Variants in CCDC60 observed in about 807,000 individuals in gnomAD.
CCDC60 encodes coiled-coil domain containing 60.
Under a neutral mutation model 63.5 loss-of-function variants are expected in CCDC60, and 54 were observed. The ratio of observed to expected loss-of-function variants is 0.85; its 90% CI spans 0.68 to 1.07. The LOEUF (loss-of-function observed/expected upper bound fraction) is 1.07, where lower values mean the gene tolerates loss of function less well. Ranked by LOEUF, CCDC60 falls within the 50% of genes least tolerant of loss-of-function variation. The probability of loss-of-function intolerance (pLI) is 0.00; values close to 1 mark genes in which losing one functional copy is unlikely to be tolerated. For synonymous variants in CCDC60, 206 were observed against 238.8 expected (o/e 0.86, Z 1.27); for missense variants, 651 against 684.3 (o/e 0.95, Z 0.54).
intron 1 of CCDC60, among the ~76,000 whole-genome samples, chr12:119,366,512 G>T (rs2136171127): frequency 6.6e-6 from 1 of 152,318 alleles, no homozygotes; most frequent in South Asian, 2.1e-4. Flanking sequence ...ATGGGATAGG[G>T]CACAGGATGG....
chr12:119,351,764 G>T (rs908871775), intron 1 of CCDC60, among the ~76,000 whole-genome samples: 8 of 152,188 alleles, frequency 5.3e-5, no homozygotes, highest in Non-Finnish European at 7.3e-5. Flanking sequence ...GGACTTCATT[G>T]TCCATATTAC....
intron 5 of CCDC60, among the ~76,000 whole-genome samples, chr12:119,497,761 A>G (rs1263136999): frequency 6.6e-6 from 1 of 152,062 alleles, no homozygotes; most frequent in Non-Finnish European, 1.5e-5. Flanking sequence ...AAAAAAAAAA[A>G]ACACTAAAGC....
chr12:119,399,863 A>C (rs959648391), intron 1 of CCDC60, among the ~76,000 whole-genome samples: 1 of 152,156 alleles, frequency 6.6e-6, no homozygotes. Flanking sequence ...CATAGTCCAC[A>C]CTAAAACATA....
At chr12:119,501,876 G>A (rs553526887) in intron 6 of CCDC60, among the ~76,000 whole-genome samples, 2 of 152,266 alleles carry the variant, frequency 1.3e-5, no homozygotes, top group East Asian at 3.9e-4. Context: ...ACTCAATTAG[G>A]CTGCAGGAGA....
At chr12:119,413,729 C>T (rs1030414018) in intron 1 of CCDC60, among the ~76,000 whole-genome samples, 2 of 152,062 alleles carry the variant, frequency 1.3e-5, no homozygotes, top group African/African-American at 4.8e-5. Context: ...ATTCCGACTC[C>T]ACATTCTTTT....
chr12:119,470,499 G>C (rs532056881), intron 2 of CCDC60, among the ~76,000 whole-genome samples: 3 of 152,086 alleles, frequency 2.0e-5, no homozygotes, highest in African/African-American at 7.2e-5. Flanking sequence ...CCGACCTCCC[G>C]CCTCCCAGCA....
intron 1 of CCDC60, among the ~76,000 whole-genome samples, chr12:119,338,139 C>T (rs1454752114): frequency 6.6e-6 from 1 of 152,014 alleles, no homozygotes; most frequent in Non-Finnish European, 1.5e-5. Flanking sequence ...ATGAAGACCC[C>T]AGGGGTTCCT....
At chr12:119,517,904 C>T (rs920524119) in intron 8 of CCDC60, among the ~76,000 whole-genome samples, 1 of 152,184 alleles carries the variant, frequency 6.6e-6, no homozygotes, top group Admixed American at 6.5e-5. Context: ...AGCCAGAGCT[C>T]CCTTCCCAGG....
At chr12:119,349,929 T>G (rs1348366132) in intron 1 of CCDC60, among the ~76,000 whole-genome samples, 10 of 152,208 alleles carry the variant, frequency 6.6e-5, no homozygotes, top group Non-Finnish European at 1.5e-4. Flanking sequence ...CCAGTGCCTT[T>G]TCTGCTCACC....
chr12:119,516,578 CAG>C (rs1211477107), intron 7 of CCDC60, 43 bp from the exon 8 acceptor site: 1 of 1,382,872 alleles, frequency 7.2e-7, no homozygotes, highest in African/African-American at 1.4e-5. Flanking sequence ...AATCCTGTCT[CAG>C]GGGTGGCTTC....
At chr12:119,382,787 G>A (rs1248191569) in intron 1 of CCDC60, among the ~76,000 whole-genome samples, 3 of 152,220 alleles carry the variant, frequency 2.0e-5, no homozygotes, top group African/African-American at 7.2e-5. Context: ...CAATAGTGAT[G>A]TGATTATGTT....
chr12:119,458,596 G>C (rs998376426), intron 2 of CCDC60, among the ~76,000 whole-genome samples: 2 of 152,130 alleles, frequency 1.3e-5, no homozygotes, highest in Admixed American at 6.5e-5. Context: ...TGAGAAGAGG[G>C]CTGGGAAGGT....
At chr12:119,423,433 C>T (rs1269116292) in intron 1 of CCDC60, among the ~76,000 whole-genome samples, 1 of 152,222 alleles carries the variant, frequency 6.6e-6, no homozygotes, top group African/African-American at 2.4e-5. Context: ...GGGGGCTGAT[C>T]CTTGCAAACT....
chr12:119,503,392 T>C (rs1157771391), intron 6 of CCDC60, among the ~76,000 whole-genome samples: 2 of 152,206 alleles, frequency 1.3e-5, no homozygotes, highest in Admixed American at 1.3e-4. Flanking sequence ...AACAGGATCA[T>C]TGTACCAAGC....
intron 2 of CCDC60, among the ~76,000 whole-genome samples, chr12:119,430,173 T>C (rs1358948213): frequency 6.7e-6 from 1 of 149,726 alleles, no homozygotes. Context: ...CTGCCACACA[T>C]ACACACACAC....
chr12:119,489,665 G>A (rs904482130), intron 5 of CCDC60, among the ~76,000 whole-genome samples: 2 of 152,156 alleles, frequency 1.3e-5, no homozygotes, highest in African/African-American at 4.8e-5. Flanking sequence ...AAAGAACCCT[G>A]ACTTGAAGAA....
At chr12:119,346,780 CTT>C (rs1955598331) in intron 1 of CCDC60, among the ~76,000 whole-genome samples, 1 of 65,624 alleles carries the variant, frequency 1.5e-5, no homozygotes, top group African/African-American at 6.4e-5. Flanking sequence ...CTTTCTCTTT[CTT>C]TCTTTCTTTC....
At chr12:119,345,713 G>A (rs1955584968) in intron 1 of CCDC60, among the ~76,000 whole-genome samples, 1 of 152,118 alleles carries the variant, frequency 6.6e-6, no homozygotes, top group African/African-American at 2.4e-5. Context: ...AAATTTGAAT[G>A]GTGGTGGAGC....
chr12:119,512,047 A>G (rs1486848097), intron 7 of CCDC60, among the ~76,000 whole-genome samples: 2 of 152,232 alleles, frequency 1.3e-5, no homozygotes, highest in Non-Finnish European at 2.9e-5. Flanking sequence ...CATTTATCAC[A>G]GCCTAGATGG....
Sources: gnomAD v4.1 joint callset for allele counts (sites outside exome capture counted in the v4.1 genomes callset) on GRCh38, gnomAD v4.1.1 for gene constraint, MANE v1.5 for transcripts, NCBI Gene and HGNC (gene_info 2026-07-23, HGNC 2026-07-21) for gene names.